LINGO2: variants seen among roughly 807,000 people sequenced by gnomAD.
LINGO2 encodes the protein leucine-rich repeat and immunoglobulin-like domain-containing nogo receptor-interacting protein 2.
In LINGO2, 14 loss-of-function variants were observed where a neutral mutation model predicts 30.6. That is an observed-to-expected ratio of 0.46 (90% CI 0.30 to 0.72). LINGO2 has a LOEUF of 0.72. Among genes scored for constraint, LINGO2 ranks in the 30% least tolerant of loss-of-function variants. LINGO2 has a pLI of 0.07. For missense variants in LINGO2, 729 were observed against 751.7 expected (o/e 0.97, Z 0.35); for synonymous variants, 317 against 288.5 (o/e 1.10, Z -1.00).
intron 1 of LINGO2, among the ~76,000 whole-genome samples, chr9:28,610,890 A>G (rs1003357290): frequency 6.6e-6 from 1 of 152,244 alleles, no homozygotes; most frequent in African/African-American, 2.4e-5. Context: ...GATCTCTAAC[A>G]TTTTATTTTT....
At chr9:28,697,264 C>G in the LINGO2 span, among the ~76,000 whole-genome samples, 1 of 151,908 alleles carries the variant, frequency 6.6e-6, no homozygotes, top group African/African-American at 2.4e-5. Context: ...AGTGTTCTGT[C>G]TAGACCTGCT....
chr9:28,617,406 C>T (rs1039644392), intron 1 of LINGO2, among the ~76,000 whole-genome samples: 3 of 152,018 alleles, frequency 2.0e-5, no homozygotes, highest in East Asian at 1.9e-4. Context: ...CGCCATTCTC[C>T]TGCCTCAGCC....
chr9:28,376,591 C>A (rs536984087), intron 2 of LINGO2, among the ~76,000 whole-genome samples: 2 of 152,260 alleles, frequency 1.3e-5, no homozygotes, highest in African/African-American at 4.8e-5. Context: ...TTGACCAAGA[C>A]AGGTTATTCA....
intron 2 of LINGO2, among the ~76,000 whole-genome samples, chr9:28,422,520 TAGTA>T (rs1449820877): frequency 1.3e-4 from 19 of 151,814 alleles, no homozygotes; most frequent in African/African-American, 4.4e-4. Flanking sequence ...AAGCAGAAAA[TAGTA>T]AGTGTTTCTG....
At chr9:28,291,458 G>T (rs1823726027) in intron 4 of LINGO2, among the ~76,000 whole-genome samples, 1 of 152,142 alleles carries the variant, frequency 6.6e-6, no homozygotes, top group South Asian at 2.1e-4. Context: ...CAGGGATAAT[G>T]CAATGAACAA....
the LINGO2 span, among the ~76,000 whole-genome samples, chr9:28,693,926 G>A: frequency 2.6e-5 from 4 of 151,928 alleles, no homozygotes; most frequent in Admixed American, 6.6e-5. Flanking sequence ...GCTATTAGAA[G>A]GTGGTGCTTA....
intron 2 of LINGO2, among the ~76,000 whole-genome samples, chr9:28,442,333 T>C (rs190725713): frequency 2.6e-4 from 39 of 152,196 alleles, no homozygotes; most frequent in African/African-American, 8.9e-4. Context: ...TTGGTTTGTA[T>C]ACTTCTCTGA....
At chr9:28,057,078 T>A (rs1479426351) in intron 4 of LINGO2, among the ~76,000 whole-genome samples, 1 of 152,148 alleles carries the variant, frequency 6.6e-6, no homozygotes, top group Non-Finnish European at 1.5e-5. Flanking sequence ...ATTGTTATTC[T>A]AATTTTGAAG....
At chr9:28,409,872 G>A (rs1290591151) in intron 2 of LINGO2, among the ~76,000 whole-genome samples, 4 of 88,552 alleles carry the variant, frequency 4.5e-5, no homozygotes, top group African/African-American at 1.2e-4. Flanking sequence ...TACATTTCAC[G>A]ATAGAGAGGG....
chr9:29,032,162 T>C, the LINGO2 span, among the ~76,000 whole-genome samples: 3 of 152,286 alleles, frequency 2.0e-5, no homozygotes, highest in Admixed American at 6.5e-5. Context: ...ACATGCTTCA[T>C]GGAGGACGGA....
At chr9:28,540,073 G>A (rs1821608907) in intron 1 of LINGO2, among the ~76,000 whole-genome samples, 1 of 152,082 alleles carries the variant, frequency 6.6e-6, no homozygotes, top group Admixed American at 6.6e-5. Flanking sequence ...GAGATAGGAA[G>A]TCTAAAAGAC....
At chr9:28,059,689 TATA>T (rs1825082016) in intron 4 of LINGO2, among the ~76,000 whole-genome samples, 3 of 152,130 alleles carry the variant, frequency 2.0e-5, no homozygotes, top group Non-Finnish European at 4.4e-5. Flanking sequence ...TTTATATAAA[TATA>T]TTCAATTATG....
chr9:27,975,110 G>A (rs1424735254), intron 5 of LINGO2, among the ~76,000 whole-genome samples: 2 of 152,046 alleles, frequency 1.3e-5, no homozygotes, highest in African/African-American at 4.8e-5. Flanking sequence ...TTAGCTTTAA[G>A]GACTGTGTAG....
intron 5 of LINGO2, among the ~76,000 whole-genome samples, chr9:27,979,700 G>A (rs987656241): frequency 2.0e-5 from 3 of 151,828 alleles, no homozygotes; most frequent in African/African-American, 4.8e-5. Context: ...CCCCTGCAAT[G>A]TCACTGTAAT....
the LINGO2 span, among the ~76,000 whole-genome samples, chr9:29,029,405 T>C: frequency 1.3e-5 from 2 of 152,194 alleles, no homozygotes; most frequent in South Asian, 4.1e-4. Context: ...ATGCTAATTA[T>C]TCTTATTAGA....
chr9:28,079,785 T>C lies in LINGO2; in HGVS notation c.-86-67380A>G, dbSNP rs1011943355. Among the ~76,000 whole-genome samples the C allele has an allele frequency of 4.6e-5, 7 of 152,306 alleles. No homozygotes were observed. The South Asian group carries it at 1.0e-3, about 23-fold the overall frequency. On this transcript the variant is annotated intron_variant, in intron 4 of 5. Coordinates refer to ENST00000379992, the Ensembl canonical transcript of LINGO2. ...TCCAAATGCACATCTCCATCTCTGA[T>C]CTCTAGCTTCCTTTGTCCTGCATCC...
chr9:29,011,842 T>C, the LINGO2 span, among the ~76,000 whole-genome samples: 11 of 152,100 alleles, frequency 7.2e-5, no homozygotes, highest in Non-Finnish European at 1.3e-4. Context: ...ACATTAGTCA[T>C]CATCTATTTA....
rs1827835430 is a variant in LINGO2 at position 28,147,085 on chromosome 9, G to A, written c.-86-134680C>T. Among the ~76,000 whole-genome samples the A allele has an allele frequency of 6.6e-6, 1 of 152,302 alleles. No homozygotes were observed. Among genetic ancestry groups the A allele is most frequent in the South Asian group, 2.1e-4 (1 of 4,820 alleles). On this transcript the variant is annotated intron_variant, in intron 4 of 5. Transcript: ENST00000379992. This position sits in a 1 kb window ranked among gnomAD's most constrained non-coding sequence, Gnocchi z 4.7. The stretch of plus-strand genomic sequence containing the variant: ...AATTCCTGCCCTACATCTTTGTAGA[G>A]GACTGGAGCCCAGAGCATGCCATGG...
intron 1 of LINGO2, among the ~76,000 whole-genome samples, chr9:28,535,858 T>C (rs1338707026): frequency 6.6e-6 from 1 of 152,118 alleles, no homozygotes; most frequent in East Asian, 1.9e-4. Context: ...ATAATAATCT[T>C]GACGTTTCAG....
Sources: allele counts gnomAD v4.1 joint callset (sites outside exome capture counted in the v4.1 genomes callset), GRCh38; gene constraint gnomAD v4.1.1; non-coding constraint Gnocchi (gnomAD v3.1); transcripts MANE v1.5; gene names NCBI Gene and HGNC (gene_info 2026-07-23, HGNC 2026-07-21).